CDH12: variants seen among roughly 807,000 people sequenced by gnomAD.
The protein encoded by CDH12 is cadherin 12.
CDH12 carries 41 observed loss-of-function variants against 74.1 expected under a neutral mutation model. The observed-to-expected ratio is 0.55, with a 90% CI of 0.43 to 0.72. The LOEUF is 0.72. CDH12 is among the 30% of genes least tolerant of loss of function. CDH12 has a pLI of 0.00. For synonymous variants in CDH12, 399 were observed against 355.0 expected, an observed-to-expected ratio of 1.12 and a Z score of -1.39; for missense variants, 945 against 977.2, an observed-to-expected ratio of 0.97 and a Z score of 0.44.
chr5:22,010,919 T>C (rs1052530836), intron 5 of CDH12, among the ~76,000 whole-genome samples: 5 of 151,992 alleles, frequency 3.3e-5, no homozygotes, highest in Non-Finnish European at 7.4e-5. Flanking sequence ...TAACAGTCTT[T>C]GAAGGGATGT....
At chr5:22,170,036 C>T (rs530113138) in intron 4 of CDH12, among the ~76,000 whole-genome samples, 2 of 151,968 alleles carry the variant, frequency 1.3e-5, no homozygotes, top group South Asian at 4.1e-4. Flanking sequence ...TTTGCCATTA[C>T]AATCTTTGGA....
chr5:22,827,169 C>T (rs1736382660), intron 1 of CDH12, among the ~76,000 whole-genome samples: 1 of 152,114 alleles, frequency 6.6e-6, no homozygotes, highest in Non-Finnish European at 1.5e-5. Context: ...CTGAAATGGG[C>T]CAATGTAGAG....
intron 4 of CDH12, among the ~76,000 whole-genome samples, chr5:22,195,528 A>G (rs4701573): frequency 0.98 from 148,877 of 152,298 alleles, 72,884 homozygotes; most frequent in East Asian, 1. Flanking sequence ...TTAAGGTTGG[A>G]AAAGCCAAAG....
chr5:22,685,471 C>T (rs546836616), intron 1 of CDH12, among the ~76,000 whole-genome samples: 4 of 152,260 alleles, frequency 2.6e-5, no homozygotes, highest in South Asian at 2.1e-4. Context: ...CTCCTGACCT[C>T]GTGATCCACC....
chr5:22,263,279 T>A (rs1448305356), intron 3 of CDH12, among the ~76,000 whole-genome samples: 1 of 152,084 alleles, frequency 6.6e-6, no homozygotes, highest in African/African-American at 2.4e-5. Flanking sequence ...ATTCAGAGCC[T>A]GTAAGGCAAC....
At chr5:22,729,905 T>C (rs1161607728) in intron 1 of CDH12, among the ~76,000 whole-genome samples, 3 of 151,846 alleles carry the variant, frequency 2.0e-5, no homozygotes, top group Non-Finnish European at 4.4e-5. Flanking sequence ...ACCTACCATA[T>C]TGAATTATTA....
At chr5:21,779,032 G>A (rs1479830389) in intron 11 of CDH12, among the ~76,000 whole-genome samples, 2 of 150,874 alleles carry the variant, frequency 1.3e-5, no homozygotes, top group Admixed American at 1.3e-4. Flanking sequence ...TTTAGTAAGG[G>A]AATTCACTGT....
At chr5:22,271,369 T>C (rs1434168934) in intron 3 of CDH12, among the ~76,000 whole-genome samples, 1 of 152,136 alleles carries the variant, frequency 6.6e-6, no homozygotes, top group African/African-American at 2.4e-5. Flanking sequence ...TAATGTTGGC[T>C]CTCTTGCAAT....
At chr5:22,675,763 C>CT (rs1208436139) in intron 1 of CDH12, among the ~76,000 whole-genome samples, 2 of 150,824 alleles carry the variant, frequency 1.3e-5, no homozygotes, top group East Asian at 2.0e-4. Context: ...CATTAAACCT[C>CT]TTTTTTTGTA....
At chr5:22,624,128 C>T (rs978676153) in intron 1 of CDH12, among the ~76,000 whole-genome samples, 2 of 152,128 alleles carry the variant, frequency 1.3e-5, no homozygotes, top group African/African-American at 4.8e-5. Context: ...AAAGCTGAAA[C>T]TGGATCCCTT....
At chr5:22,615,365 T>C (rs1298724472) in intron 1 of CDH12, among the ~76,000 whole-genome samples, 1 of 152,094 alleles carries the variant, frequency 6.6e-6, no homozygotes, top group Admixed American at 6.6e-5. Context: ...TCAGATGAAA[T>C]GCTGCTATGT....
chr5:21,877,384 A>G (rs1306700710), intron 6 of CDH12, among the ~76,000 whole-genome samples: 2 of 152,192 alleles, frequency 1.3e-5, no homozygotes, highest in African/African-American at 4.8e-5. Context: ...GTTAACATCT[A>G]GAGAGTATTA....
intron 1 of CDH12, among the ~76,000 whole-genome samples, chr5:22,590,154 A>C (rs184886993): frequency 7.6e-4 from 116 of 152,252 alleles, no homozygotes; most frequent in African/African-American, 2.5e-3. Context: ...CCTAAATGAT[A>C]ATTTGACTTA....
At chr5:22,280,897 A>G (rs983915863) in intron 3 of CDH12, among the ~76,000 whole-genome samples, 3 of 152,194 alleles carry the variant, frequency 2.0e-5, no homozygotes, top group African/African-American at 7.2e-5. Flanking sequence ...TCCAGATACC[A>G]AAGCCTGGCA....
rs1271032121 is a variant in CDH12 at position 21,883,948 on chromosome 5, C to T, written c.527-29158G>A. On this transcript the variant is annotated intron_variant, in intron 6 of 14. Coordinates refer to ENST00000382254, the MANE Select transcript of CDH12 (RefSeq NM_004061.5). ...CTTCGATGCATTCCAGCCTTGGACT[C>T]ATTGACTCCAGCTAATGAAGATCAA... 3.1e-6 allele frequency: 5 copies of T among 1,607,394 alleles called. No homozygotes were observed. In the African/African-American group the frequency reaches 5.4e-5, roughly 17 times the overall value.
chr5:22,338,479 A>T (rs1212993322), intron 3 of CDH12, among the ~76,000 whole-genome samples: 1 of 152,186 alleles, frequency 6.6e-6, no homozygotes, highest in Non-Finnish European at 1.5e-5. Context: ...GTACAAAAAA[A>T]AAATAGAAGA....
chr5:22,164,325 G>A (rs1748545600), intron 4 of CDH12, among the ~76,000 whole-genome samples: 1 of 152,216 alleles, frequency 6.6e-6, no homozygotes, highest in Non-Finnish European at 1.5e-5. Flanking sequence ...AGTGAATAGT[G>A]TTCAGCTCAA....
Position 21,751,817 on chromosome 5 carries a change from T to G in CDH12, c.2305A>C (p.Thr769Pro), listed in dbSNP as rs1305795894. The G allele has an allele frequency of 6.2e-7, 1 of 1,614,014 alleles. No individual in the cohort carries two copies. Among genetic ancestry groups the G allele is most frequent in the Non-Finnish European group, 8.5e-7 (1 of 1,180,016 alleles). ...ACTTTAAAGCGGGGTCCCCAGTCTG[T>G]CAGATAGTCATAGTCCTGGTCGGCT... ...TEADQDYDYL[T>P]DWGPRFKVLA... The change falls in exon 15 of 15, where the codon ACA becomes CCA. Residue 769 changes from threonine (T) to proline (P), a missense_variant. Thr to Pro is a conservative substitution (Grantham distance 38, BLOSUM62 -1). Coordinates refer to ENST00000382254, the MANE Select transcript of CDH12 (RefSeq NM_004061.5).
At chr5:21,810,417 T>C (rs1324865709) in intron 9 of CDH12, among the ~76,000 whole-genome samples, 2 of 152,072 alleles carry the variant, frequency 1.3e-5, no homozygotes, top group Non-Finnish European at 2.9e-5. Flanking sequence ...CCAGCCTTTG[T>C]GCCCTATTTG....
Sources: allele counts gnomAD v4.1 joint callset (sites outside exome capture counted in the v4.1 genomes callset), GRCh38; gene constraint gnomAD v4.1.1; transcripts MANE v1.5; gene names NCBI Gene and HGNC (gene_info 2026-07-23, HGNC 2026-07-21).